Variants in CSMD1 observed in about 807,000 individuals in gnomAD.
The protein encoded by CSMD1 is CUB and sushi domain-containing protein 1.
In CSMD1, 213 loss-of-function variants were observed where a neutral mutation model predicts 417.5. That is an observed-to-expected ratio of 0.51 (90% CI 0.46 to 0.57). CSMD1 has a LOEUF of 0.57. Among genes scored for constraint, CSMD1 ranks in the 20% least tolerant of loss-of-function variants. The pLI, the probability that CSMD1 is intolerant of heterozygous loss-of-function variation, is 0.00. For synonymous variants in CSMD1, 2,862 were observed against 1,736.8 expected (o/e 1.65, Z -16.11); for missense variants, 6,923 against 4,529.7 (o/e 1.53, Z -15.17).
At chr8:3,821,743 C>G (rs1234902573) in intron 5 of CSMD1, among the ~76,000 whole-genome samples, 2 of 152,150 alleles carry the variant, frequency 1.3e-5, no homozygotes, top group Non-Finnish European at 2.9e-5. Flanking sequence ...AATCGCACCA[C>G]TGCACTCCAG....
intron 5 of CSMD1, among the ~76,000 whole-genome samples, chr8:3,885,600 G>A (rs972549993): frequency 1.3e-5 from 2 of 152,044 alleles, no homozygotes; most frequent in African/African-American, 4.8e-5. Flanking sequence ...CATCAGAATC[G>A]GCTATGATGA....
At chr8:4,184,948 C>T (rs1013325394) in intron 3 of CSMD1, among the ~76,000 whole-genome samples, 2 of 151,556 alleles carry the variant, frequency 1.3e-5, no homozygotes, top group African/African-American at 4.9e-5. Context: ...GACCAGCCTC[C>T]CCAATGTGGT....
At chr8:3,262,272 A>G (rs540878746) in intron 26 of CSMD1, among the ~76,000 whole-genome samples, 2 of 145,514 alleles carry the variant, frequency 1.4e-5, no homozygotes, top group Non-Finnish European at 3.0e-5. Flanking sequence ...AGGTTAAAAC[A>G]TTGCCAATAA....
At chr8:3,564,722 A>G (rs1799625167) in intron 10 of CSMD1, among the ~76,000 whole-genome samples, 1 of 150,254 alleles carries the variant, frequency 6.7e-6, no homozygotes, top group African/African-American at 2.5e-5. Flanking sequence ...CCCTTGTGGC[A>G]GAAAAACCAA....
chr8:4,947,793 A>T (rs1808468135), intron 1 of CSMD1, among the ~76,000 whole-genome samples: 1 of 152,128 alleles, frequency 6.6e-6, no homozygotes, highest in African/African-American at 2.4e-5. Context: ...TCAAACAAAA[A>T]TATGTTTCTA....
At chr8:3,838,316 G>C (rs1802837181) in intron 5 of CSMD1, among the ~76,000 whole-genome samples, 1 of 151,890 alleles carries the variant, frequency 6.6e-6, no homozygotes, top group Non-Finnish European at 1.5e-5. Flanking sequence ...CAGGAGGATT[G>C]CTTGAGTCCA....
At chr8:3,076,671 A>G (rs17079275) in intron 49 of CSMD1, among the ~76,000 whole-genome samples, 9,577 of 152,294 alleles carry the variant, frequency 0.063, 390 homozygotes, top group African/African-American at 0.12. Flanking sequence ...TCCTCCCAGC[A>G]ACACTGTTTA....
intron 25 of CSMD1, among the ~76,000 whole-genome samples, chr8:3,302,368 C>T (rs1026678219): frequency 1.3e-5 from 2 of 152,146 alleles, no homozygotes; most frequent in Admixed American, 1.3e-4. Flanking sequence ...ACTCCTACGT[C>T]CTTCTTGGCT....
chr8:3,698,495 C>G (rs961712658), intron 7 of CSMD1, among the ~76,000 whole-genome samples: 1 of 152,240 alleles, frequency 6.6e-6, no homozygotes, highest in Non-Finnish European at 1.5e-5. Context: ...GCAAGACCTA[C>G]AGCACTTAGT....
At chr8:3,595,261 A>G (rs1801037986) in intron 8 of CSMD1, among the ~76,000 whole-genome samples, 1 of 152,192 alleles carries the variant, frequency 6.6e-6, no homozygotes, top group African/African-American at 2.4e-5. Context: ...TAGGGAAACA[A>G]TGTCCCATTG....
chr8:3,074,133 T>C (rs1813486231), intron 49 of CSMD1, among the ~76,000 whole-genome samples: 1 of 152,216 alleles, frequency 6.6e-6, no homozygotes, highest in Non-Finnish European at 1.5e-5. Flanking sequence ...CGCAGCTGAA[T>C]GTTTCCTGAC....
chr8:3,776,942 G>A (rs1296609645), intron 5 of CSMD1, among the ~76,000 whole-genome samples: 1 of 151,744 alleles, frequency 6.6e-6, no homozygotes, highest in African/African-American at 2.4e-5. Flanking sequence ...CTCAACTCTT[G>A]ATCTCAAGTG....
At chr8:3,784,343 T>C (rs1799332678) in intron 5 of CSMD1, among the ~76,000 whole-genome samples, 1 of 152,200 alleles carries the variant, frequency 6.6e-6, no homozygotes, top group African/African-American at 2.4e-5. Flanking sequence ...TTAAAAGTTG[T>C]TCTATTGAAA....
intron 25 of CSMD1, among the ~76,000 whole-genome samples, chr8:3,304,325 GC>G (rs1333789642): frequency 6.6e-6 from 1 of 152,082 alleles, no homozygotes; most frequent in East Asian, 1.9e-4. Context: ...TAGTAACCAT[GC>G]AAGCTAATAT....
chr8:4,451,021 GA>G (rs11344044), intron 2 of CSMD1, among the ~76,000 whole-genome samples: 58,872 of 150,862 alleles, frequency 0.39, 12,680 homozygotes, highest in African/African-American at 0.57. Context: ...CCAACGTGGG[GA>G]AAAAAAAAAT....
At chr8:3,931,881 C>G in intron 5 of CSMD1, among the ~76,000 whole-genome samples, 1 of 142,800 alleles carries the variant, frequency 7.0e-6, no homozygotes, top group South Asian at 2.3e-4. Flanking sequence ...TTTTGGTTGT[C>G]AGACATTGTA....
At chr8:3,628,905 G>C (rs1563213330) in intron 7 of CSMD1, among the ~76,000 whole-genome samples, 1 of 149,494 alleles carries the variant, frequency 6.7e-6, no homozygotes, top group Non-Finnish European at 1.5e-5. Context: ...AAGACAGGCA[G>C]GAAAAAATAA....
At chr8:4,976,280 T>G (rs576836145) in intron 1 of CSMD1, among the ~76,000 whole-genome samples, 3 of 152,298 alleles carry the variant, frequency 2.0e-5, no homozygotes, top group East Asian at 3.9e-4. Flanking sequence ...AAGTAATAAT[T>G]TATTTACAAA....
intron 26 of CSMD1, among the ~76,000 whole-genome samples, chr8:3,265,988 A>G (rs1782550107): frequency 2.0e-5 from 3 of 152,048 alleles, no homozygotes; most frequent in South Asian, 2.1e-4. Flanking sequence ...AAGATGTTCA[A>G]ATGAACTTAT....
Sources: gnomAD v4.1 joint callset for allele counts (sites outside exome capture counted in the v4.1 genomes callset) on GRCh38, gnomAD v4.1.1 for gene constraint, MANE v1.5 for transcripts, NCBI Gene and HGNC (gene_info 2026-07-23, HGNC 2026-07-21) for gene names.